Variants in NPIPA5 observed in about 807,000 individuals in gnomAD.
The protein encoded by NPIPA5 is nuclear pore complex interacting protein family member A5.
A neutral mutation model predicts 21.4 loss-of-function variants in NPIPA5; 6 were observed. The ratio of observed to expected loss-of-function variants is 0.28; its 90% CI spans 0.15 to 0.55. The LOEUF (loss-of-function observed/expected upper bound fraction) is 0.55. Ranked by LOEUF, NPIPA5 falls within the 20% of genes least tolerant of loss-of-function variation. The pLI is 0.93. For missense variants in NPIPA5, 99 were observed against 318.2 expected (o/e 0.31, Z 5.24); for synonymous variants, 33 against 115.3 (o/e 0.29, Z 4.57).
intron 2 of NPIPA5, among the ~76,000 whole-genome samples, chr16:15,370,783 G>C (rs1450124234): frequency 6.8e-6 from 1 of 147,934 alleles, no homozygotes; most frequent in Non-Finnish European, 1.5e-5. Context: ...AGGTGCGGTA[G>C]CTCACGCCTG....
upstream of NPIPA5, among the ~76,000 whole-genome samples, chr16:15,379,760 T>C (rs2050391949): frequency 1.3e-5 from 2 of 151,784 alleles, no homozygotes; most frequent in Non-Finnish European, 2.9e-5. Flanking sequence ...GCCTGGCCAA[T>C]ATGGTGAAAC....
At chr16:15,379,808 G>C (rs1299280504), upstream of NPIPA5, among the ~76,000 whole-genome samples, 1 of 151,934 alleles carries the variant, frequency 6.6e-6, no homozygotes, top group Admixed American at 6.6e-5. Flanking sequence ...AGCTGGGCAT[G>C]GTGGCGCATA....
intron 1 of NPIPA5, among the ~76,000 whole-genome samples, chr16:15,376,175 C>T (rs1371560495): frequency 6.6e-6 from 1 of 150,928 alleles, no homozygotes; most frequent in African/African-American, 2.4e-5. Flanking sequence ...GCAAGCTAAC[C>T]TATGATAAGA....
At chr16:15,370,450 A>ACG (rs55851725) in intron 2 of NPIPA5, among the ~76,000 whole-genome samples, 1 of 141,658 alleles carries the variant, frequency 7.1e-6, no homozygotes, top group South Asian at 2.4e-4. Flanking sequence ...ACACACACAC[A>ACG]AACACACAAG....
chr16:15,372,769 A>G (rs1456874208), intron 2 of NPIPA5, among the ~76,000 whole-genome samples: 3 of 145,010 alleles, frequency 2.1e-5, no homozygotes, highest in African/African-American at 7.5e-5. Flanking sequence ...CCAGACAACC[A>G]CATTTTTACT....
upstream of NPIPA5, among the ~76,000 whole-genome samples, chr16:15,380,011 G>A (rs1437579186): frequency 6.6e-6 from 1 of 150,614 alleles, no homozygotes; most frequent in East Asian, 2.0e-4. Flanking sequence ...GTGTGTGTGT[G>A]TATCTCTATA....
At chr16:15,369,109 A>T (rs1260222667) in intron 4 of NPIPA5, among the ~76,000 whole-genome samples, 1 of 147,886 alleles carries the variant, frequency 6.8e-6, no homozygotes, top group East Asian at 2.0e-4. Context: ...CCAAGATTGC[A>T]CCATAGCACT....
In NPIPA5 at chr16:15,368,806, C is replaced by T. The variant is rs554892899; in HGVS notation, c.437+906G>A. Among the ~76,000 whole-genome samples the T allele has an allele frequency of 2.3e-5, 3 of 133,028 alleles. No individual in the cohort carries two copies. The East Asian group carries it at 7.1e-4, about 31-fold the overall frequency. 87.3% of individuals were successfully genotyped at this position (133,028 alleles called of 152,430 possible). Reference sequence around the variant, plus strand: ...CCAGCTTGGCCAATATGGTGAAACCCTGCCTCTACTAAAAATACAAAAATT... The same window carrying T: ...CCAGCTTGGCCAATATGGTGAAACCTTGCCTCTACTAAAAATACAAAAATT... On this transcript the variant is annotated intron_variant, in intron 4 of 7. Transcript: ENST00000360151.
intron 2 of NPIPA5, among the ~76,000 whole-genome samples, chr16:15,371,537 C>T (rs2050155007): frequency 6.8e-6 from 1 of 146,796 alleles, no homozygotes; most frequent in African/African-American, 2.5e-5. Context: ...GACGGAGTGT[C>T]AGTCAACCAT....
Position 15,366,746 on chromosome 16 carries a change from C to T in NPIPA5, c.452G>A (p.Ser151Asn). 2.6e-6 allele frequency: 4 copies of T among 1,513,276 alleles called. No individual in the cohort carries two copies. Among genetic ancestry groups the T allele is most frequent in the Non-Finnish European group, 2.6e-6 (3 of 1,138,676 alleles). 93.7% of individuals were successfully genotyped at this position (1,513,276 alleles called of 1,614,324 possible). Residue 151 changes from serine (S) to asparagine (N), a missense_variant, in exon 5 of 8, where the codon AGC becomes AAC. Ser to Asn is a conservative substitution (Grantham distance 46, BLOSUM62 1). This residue lies in a region of NPIPA5 where 12 missense variants were observed against 18.6 expected (regional missense o/e 0.64). Transcript: ENST00000360151. ...KTAKEHLRKLSMKEREHGEKE... is the reference protein window; with the variant it reads ...KTAKEHLRKLNMKEREHGEKE... Reference sequence around the variant, plus strand: ...TTCTCCGTGCTCACGTTCTTTCATGCTTAGTTTCCTCAGACTAGAAGGGAG... The same window carrying T: ...TTCTCCGTGCTCACGTTCTTTCATGTTTAGTTTCCTCAGACTAGAAGGGAG...
upstream of NPIPA5, chr16:15,381,112 T>G (rs1028162284): frequency 6.5e-6 from 10 of 1,534,950 alleles, no homozygotes; most frequent in African/African-American, 1.2e-4. Flanking sequence ...AAAAAAAAAG[T>G]GTTGAATGAG....
At chr16:15,377,512 G>A (rs369177265) in intron 1 of NPIPA5, among the ~76,000 whole-genome samples, 3 of 143,228 alleles carry the variant, frequency 2.1e-5, no homozygotes, top group Non-Finnish European at 4.5e-5. Flanking sequence ...AGCAGCCACC[G>A]CACCCGCATG....
intron 4 of NPIPA5, 138 bp from the exon 5 acceptor site, chr16:15,366,898 G>A (rs1256268613): frequency 6.0e-5 from 90 of 1,510,600 alleles, no homozygotes; most frequent in African/African-American, 3.9e-4. Flanking sequence ...TCTCACAACC[G>A]AAGGGAGAAT....
At chr16:15,376,800 A>C (rs2050307755) in intron 1 of NPIPA5, among the ~76,000 whole-genome samples, 1 of 152,052 alleles carries the variant, frequency 6.6e-6, no homozygotes, top group Admixed American at 6.6e-5. Context: ...AAAATACAAA[A>C]ATTAGCCAGG....
At chr16:15,376,010 T>C (rs1181752191) in intron 1 of NPIPA5, among the ~76,000 whole-genome samples, 1 of 151,448 alleles carries the variant, frequency 6.6e-6, no homozygotes, top group Non-Finnish European at 1.5e-5. Context: ...CAGGTTGAAC[T>C]CAGCATATGC....
chr16:15,376,773 G>T (rs535199342), intron 1 of NPIPA5, among the ~76,000 whole-genome samples: 9 of 151,486 alleles, frequency 5.9e-5, no homozygotes, highest in Non-Finnish European at 1.3e-4. Context: ...AAATTAGCCA[G>T]GCGTGGTGGC....
rs369177265 is a variant in NPIPA5 at position 15,377,512 on chromosome 16, G to C, written c.63+720C>G. Reference sequence around the variant, plus strand: ...AAGAGGAGCCAAAAGAGCAGCCACCGCACCCGCATGTCCTGGTCCTTTCAG... The same window carrying C: ...AAGAGGAGCCAAAAGAGCAGCCACCCCACCCGCATGTCCTGGTCCTTTCAG... On this transcript the variant is annotated intron_variant, in intron 1 of 7. Coordinates refer to ENST00000360151, the MANE Select transcript of NPIPA5 (RefSeq NM_001277325.2). 9.1e-5 allele frequency among the ~76,000 whole-genome samples: 13 copies of C among 143,324 alleles called. No homozygotes were observed. The South Asian group carries it at 3.1e-3, about 34-fold the overall frequency. 94.0% of individuals were successfully genotyped at this position (143,324 alleles called of 152,430 possible). A position where few individuals can be genotyped will look rare whatever the true frequency, so the allele number is the denominator to read the frequency against.
rs558175305 is a variant in NPIPA5 at position 15,371,695 on chromosome 16, G to A, written c.193-1576C>T. Among the ~76,000 whole-genome samples the A allele has an allele frequency of 3.3e-3, 474 of 141,686 alleles. 7 individuals are homozygous for A. The highest frequency in any genetic ancestry group is 9.5e-3 in the African/African-American group (370 of 39,096). The allele number at this position is 141,686 out of a possible 152,430, so 93.0% of individuals were successfully genotyped here. On this transcript the variant is annotated intron_variant, in intron 2 of 7. Coordinates refer to ENST00000360151, the MANE Select transcript of NPIPA5 (RefSeq NM_001277325.2). ...TTTTTGTCTTTTTAGTAGAGATGGGGTTTCACTATGTTGGCCCATCTGGTC... is the reference window on the plus strand; with the variant it reads ...TTTTTGTCTTTTTAGTAGAGATGGGATTTCACTATGTTGGCCCATCTGGTC...
chr16:15,370,721 A>G (rs1401581205), intron 2 of NPIPA5, among the ~76,000 whole-genome samples: 2 of 141,422 alleles, frequency 1.4e-5, no homozygotes, highest in Admixed American at 1.5e-4. Flanking sequence ...ATTGCACTCC[A>G]ACATGGGCAA....
Sources: gnomAD v4.1 joint callset for allele counts (sites outside exome capture counted in the v4.1 genomes callset) on GRCh38, gnomAD v4.1.1 for gene constraint, gnomAD v4.1.1 regional missense constraint, MANE v1.5 for transcripts, NCBI Gene and HGNC (gene_info 2026-07-23, HGNC 2026-07-21) for gene names.